The following BRAF variants were observed in gnomAD, a reference collection of about 807,000 sequenced individuals.
The protein encoded by BRAF is B-Raf proto-oncogene, serine/threonine kinase.
BRAF carries 16 observed loss-of-function variants against 104.6 expected under a neutral mutation model. That is an observed-to-expected ratio of 0.15 (90% confidence interval 0.10 to 0.23). The LOEUF (loss-of-function observed/expected upper bound fraction) is 0.23, where lower values mean the gene tolerates loss of function less well. Ranked by LOEUF, BRAF falls within the 10% of genes least tolerant of loss-of-function variation. The pLI is 1.00. For missense variants in BRAF, 541 were observed against 937.3 expected (o/e 0.58, Z 5.52); for synonymous variants, 310 against 341.6 (o/e 0.91, Z 1.02).
rs2130897532 is a variant in BRAF at position 140,739,720 on chromosome 7, A to G, written c.2247+92T>C. 16 of 1,464,184 alleles carry G rather than the reference A, an allele frequency of 1.1e-5. No homozygotes were observed. The South Asian group carries it at 1.4e-4, about 13-fold the overall frequency. The allele number at this position is 1,464,184 out of a possible 1,614,324, so 90.7% of individuals were successfully genotyped here. ...GAGTCTGCACATAGAATCCAAACTC[A>G]TGAAATACACACTGTGTGCCCAAAA... On this transcript the variant is annotated intron_variant, in intron 18 of 19. Coordinates refer to ENST00000644969, the MANE Select transcript of BRAF (RefSeq NM_001374258.1).
At chr7:140,777,182 G>T in intron 13 of BRAF, 94 bp from the exon 13 acceptor site, 9 of 1,297,012 alleles carry the variant, frequency 6.9e-6, no homozygotes, top group South Asian at 1.3e-5. Flanking sequence ...GTAAAATGTT[G>T]TCAGAAAAAG....
chr7:140,750,143 A>G (rs1370780652), intron 16 of BRAF, among the ~76,000 whole-genome samples: 3 of 152,234 alleles, frequency 2.0e-5, no homozygotes, highest in Non-Finnish European at 2.9e-5. Flanking sequence ...TACAATAAAC[A>G]GTTGGTTAAT....
At chr7:140,858,388 A>C (rs1031660155) in intron 1 of BRAF, among the ~76,000 whole-genome samples, 3 of 152,226 alleles carry the variant, frequency 2.0e-5, no homozygotes, top group African/African-American at 7.2e-5. Context: ...GAAATAATCA[A>C]ATATAGATTG....
intron 14 of BRAF, among the ~76,000 whole-genome samples, chr7:140,775,492 C>A (rs1163522659): frequency 1.3e-5 from 2 of 151,972 alleles, no homozygotes; most frequent in Non-Finnish European, 2.9e-5. Flanking sequence ...GGATTACAGG[C>A]TTGTGCCTGG....
chr7:140,829,066 G>C (rs1806400240), intron 3 of BRAF, among the ~76,000 whole-genome samples: 1 of 151,746 alleles, frequency 6.6e-6, no homozygotes, highest in Non-Finnish European at 1.5e-5. Flanking sequence ...TTTTCTGCTG[G>C]GTTTTGTCTT....
rs376018896 is a variant in BRAF at position 140,752,815 on chromosome 7, C to G, written c.1980+460G>C. On this transcript the variant is annotated intron_variant, in intron 16 of 19. Coordinates refer to ENST00000644969, the MANE Select transcript of BRAF (RefSeq NM_001374258.1). ...AAAAGGAGTAGTTCTCTTAGCAAAACCATAATAATGGCTGTGGATCACACC... is the reference window on the plus strand; with the variant it reads ...AAAAGGAGTAGTTCTCTTAGCAAAAGCATAATAATGGCTGTGGATCACACC... Among the ~76,000 whole-genome samples, 41 of 152,068 alleles carry G rather than the reference C, an allele frequency of 2.7e-4. No individual in the cohort carries two copies. The East Asian group carries it at 7.9e-3, about 29-fold the overall frequency.
In BRAF at chr7:140,801,479, C is replaced by T; in HGVS notation, c.793G>A (p.Gly265Ser). 1 of 1,613,942 alleles carries T rather than the reference C, an allele frequency of 6.2e-7. No homozygotes were observed. Among genetic ancestry groups the T allele is most frequent in the Non-Finnish European group, 8.5e-7 (1 of 1,179,948 alleles). ...LFQGFRCQTC[G>S]YKFHQRCSTE... ...CTACAACGCTGGTGAAATTTATAACCACATGTTTGACAGCGGAAACCCTGG... is the reference window on the plus strand; with the variant it reads ...CTACAACGCTGGTGAAATTTATAACTACATGTTTGACAGCGGAAACCCTGG... Residue 265 changes from glycine to serine, a missense_variant, in exon 6 of 20, where the codon GGT becomes AGT. Gly to Ser is a moderately conservative substitution (Grantham distance 56). Around this residue, in one of 10 missense-constraint regions of BRAF, gnomAD observed 19 missense variants for 51.8 expected, o/e 0.37. Coordinates refer to ENST00000644969, the MANE Select transcript of BRAF (RefSeq NM_001374258.1).
intron 14 of BRAF, among the ~76,000 whole-genome samples, chr7:140,769,008 T>C (rs1799588336): frequency 6.6e-6 from 1 of 152,210 alleles, no homozygotes; most frequent in African/African-American, 2.4e-5. Context: ...AAGTTTCTTT[T>C]TGCAGAAAAC....
At chr7:140,890,407 G>C (rs1304238555) in intron 1 of BRAF, among the ~76,000 whole-genome samples, 6 of 152,050 alleles carry the variant, frequency 3.9e-5, no homozygotes, top group Non-Finnish European at 8.8e-5. Flanking sequence ...ATGTGCTCAG[G>C]CTCATGCTAG....
At chr7:140,756,247 C>A (rs1484057866) in intron 14 of BRAF, among the ~76,000 whole-genome samples, 1 of 152,118 alleles carries the variant, frequency 6.6e-6, no homozygotes, top group African/African-American at 2.4e-5. Flanking sequence ...ACACTTTATA[C>A]CTGTGTAATC....
intron 2 of BRAF, chr7:140,835,196 T>C (rs1807193056): frequency 3.5e-6 from 1 of 286,406 alleles, no homozygotes; most frequent in Non-Finnish European, 6.7e-6. Context: ...AAATCATGTC[T>C]AACGTAAGAT....
At chr7:140,807,134 T>G (rs1803738380) in intron 5 of BRAF, among the ~76,000 whole-genome samples, 1 of 152,158 alleles carries the variant, frequency 6.6e-6, no homozygotes, top group South Asian at 2.1e-4. Flanking sequence ...ATTCCGGGCC[T>G]TATGCTGGTG....
chr7:140,923,780 G>A (rs887861972), intron 1 of BRAF, among the ~76,000 whole-genome samples: 20 of 152,292 alleles, frequency 1.3e-4, no homozygotes, highest in African/African-American at 4.8e-4. Context: ...AGCCTCAAGA[G>A]GACCAGGGTA....
At chr7:140,808,147 A>G in intron 4 of BRAF, 85 bp from the exon 5 acceptor site, 1 of 1,063,510 alleles carries the variant, frequency 9.4e-7, no homozygotes, top group Admixed American at 1.8e-5. Context: ...AAAATTGGTT[A>G]TCGAGGGGCT....
intron 18 of BRAF, among the ~76,000 whole-genome samples, chr7:140,734,993 A>G (rs1037119245): frequency 2.6e-5 from 4 of 152,262 alleles, no homozygotes; most frequent in African/African-American, 9.6e-5. Context: ...TTTCTTAAGA[A>G]GAAACTCTCT....
At chr7:140,861,390 G>GGTGGCA (rs750259299) in intron 1 of BRAF, among the ~76,000 whole-genome samples, 1 of 152,172 alleles carries the variant, frequency 6.6e-6, no homozygotes, top group Non-Finnish European at 1.5e-5. Flanking sequence ...GGCATAAATA[G>GGTGGCA]GAACAGACAG....
chr7:140,774,338 T>A (rs563378991), intron 14 of BRAF, among the ~76,000 whole-genome samples: 58 of 152,302 alleles, frequency 3.8e-4, no homozygotes, highest in African/African-American at 1.3e-3. Context: ...TGACTAAAGT[T>A]TACACTGATA....
At chr7:140,923,508 AG>A (rs1563041427) in intron 1 of BRAF, among the ~76,000 whole-genome samples, 1 of 152,214 alleles carries the variant, frequency 6.6e-6, no homozygotes, top group African/African-American at 2.4e-5. Flanking sequence ...AAAAAGGAAA[AG>A]GAAAAAAATA....
At position 140,721,709 on chromosome 7, in the gene BRAF, T is replaced by C. The variant is rs979948852; in HGVS notation, c.*4785A>G. The C allele has an allele frequency of 6.5e-6, 10 of 1,529,670 alleles. No individual in the cohort carries two copies. Among genetic ancestry groups the C allele is most frequent in the Non-Finnish European group, 7.9e-6 (9 of 1,144,392 alleles). 94.8% of individuals were successfully genotyped at this position (1,529,670 alleles called of 1,614,324 possible). On this transcript the variant is annotated 3_prime_UTR_variant, in exon 20 of 20. Transcript: ENST00000644969. ...CCAGTATAACATTTCAAGGATGTGC[T>C]GGAGACAATACATGGACTTTCTCTT... is the stretch of plus-strand genomic sequence containing the variant.
Sources: gnomAD v4.1 joint callset for allele counts (sites outside exome capture counted in the v4.1 genomes callset) on GRCh38, gnomAD v4.1.1 for gene constraint, gnomAD v4.1.1 regional missense constraint, MANE v1.5 for transcripts, NCBI Gene and HGNC (gene_info 2026-07-23, HGNC 2026-07-21) for gene names.